The following PDIA6 variants were observed in gnomAD, a reference collection of about 807,000 sequenced individuals.
PDIA6 encodes the protein protein disulfide-isomerase A6.
A neutral mutation model predicts 58.4 loss-of-function variants in PDIA6; 29 were observed. That is an observed-to-expected ratio of 0.50 (90% CI 0.37 to 0.68). The LOEUF (loss-of-function observed/expected upper bound fraction) is 0.68. PDIA6 is among the 30% of genes least tolerant of loss of function. The pLI is 0.00. For synonymous variants in PDIA6, 192 were observed against 202.6 expected, an observed-to-expected ratio of 0.95 and a Z score of 0.44; for missense variants, 480 against 551.0, an observed-to-expected ratio of 0.87 and a Z score of 1.29.
At position 10,788,695 on chromosome 2, in the gene PDIA6, A is replaced by AC; in HGVS notation, c.998+1dup. ...ACTCAGACAGTAAGCTCAGTAACTT[A>AC]CCCCCACATTTTCTTTTTGTATTTG... On this transcript the variant is annotated splice_donor_variant, in intron 10 of 12. Coordinates refer to ENST00000272227, the MANE Select transcript of PDIA6 (RefSeq NM_005742.4). LOFTEE classifies it high-confidence loss of function. 3 of 1,602,176 alleles carry AC rather than the reference A, an allele frequency of 1.9e-6. No homozygotes were observed. Among genetic ancestry groups the AC allele is most frequent in the Non-Finnish European group, 2.6e-6 (3 of 1,169,142 alleles).
chr2:10,829,119 C>G (rs759095402), intron 1 of PDIA6, among the ~76,000 whole-genome samples: 4 of 152,204 alleles, frequency 2.6e-5, no homozygotes, highest in South Asian at 2.1e-4. Flanking sequence ...TCTGCTTACC[C>G]GGTGTTGTGA....
At chr2:10,826,241 T>C (rs1053349368) in intron 1 of PDIA6, among the ~76,000 whole-genome samples, 22 of 152,210 alleles carry the variant, frequency 1.4e-4, no homozygotes, top group African/African-American at 5.3e-4. Context: ...ATGATTACTT[T>C]CATATTCAAG....
chr2:10,800,846 A>G (rs1666481450), intron 2 of PDIA6, among the ~76,000 whole-genome samples: 1 of 152,160 alleles, frequency 6.6e-6, no homozygotes, highest in South Asian at 2.1e-4. Flanking sequence ...CTGGTGCTCA[A>G]GCAATTTACC....
At chr2:10,836,274 G>A (rs777424211), upstream of PDIA6, among the ~76,000 whole-genome samples, 16 of 152,196 alleles carry the variant, frequency 1.1e-4, no homozygotes, top group African/African-American at 2.7e-4. Flanking sequence ...CAGGTCCTAC[G>A]ATGGCCTGCT....
chr2:10,788,225 T>A (rs548567614), intron 10 of PDIA6, among the ~76,000 whole-genome samples: 2 of 152,344 alleles, frequency 1.3e-5, no homozygotes, highest in East Asian at 3.9e-4. Flanking sequence ...CTACTCCTTA[T>A]GTGTCTGCCT....
At chr2:10,786,446 A>C (rs955011831) in intron 11 of PDIA6, among the ~76,000 whole-genome samples, 2 of 152,058 alleles carry the variant, frequency 1.3e-5, no homozygotes, top group Non-Finnish European at 2.9e-5. Context: ...GGCTTCCTCC[A>C]TGCCTCCCAC....
intron 2 of PDIA6, among the ~76,000 whole-genome samples, chr2:10,818,188 G>T (rs541557646): frequency 6.6e-6 from 1 of 150,810 alleles, no homozygotes; most frequent in Middle Eastern, 3.4e-3. Flanking sequence ...TTTGAGACAG[G>T]GTCTCACTCT....
upstream of PDIA6, among the ~76,000 whole-genome samples, chr2:10,816,077 CTTTTTTTTTT>C (rs57404091): frequency 3.1e-5 from 3 of 96,470 alleles, no homozygotes; most frequent in Non-Finnish European, 5.6e-5. Flanking sequence ...AATCATTTGT[CTTTTTTTTTT>C]TTTTTTTTTT....
At chr2:10,825,677 A>T (rs549968835) in intron 1 of PDIA6, among the ~76,000 whole-genome samples, 28 of 152,346 alleles carry the variant, frequency 1.8e-4, no homozygotes, top group African/African-American at 6.5e-4. Flanking sequence ...ATCTGAGTAG[A>T]CATTTCTCCA....
At chr2:10,830,869 C>G (rs1038205375) in intron 1 of PDIA6, among the ~76,000 whole-genome samples, 1 of 152,176 alleles carries the variant, frequency 6.6e-6, no homozygotes, top group Admixed American at 6.5e-5. Context: ...AGGAGGCACA[C>G]GGGGCACTTC....
At chr2:10,802,071 C>T (rs1452687525) in intron 2 of PDIA6, among the ~76,000 whole-genome samples, 6 of 152,162 alleles carry the variant, frequency 3.9e-5, no homozygotes, top group Non-Finnish European at 8.8e-5. Flanking sequence ...GTACTTTTGA[C>T]TGTATATAAT....
chr2:10,832,429 A>C, exon 1 of PDIA6: 1 of 985,478 alleles, frequency 1.0e-6, no homozygotes, highest in Non-Finnish European at 1.2e-6. Flanking sequence ...GATTCTATTA[A>C]TTCCTGTTTG....
chr2:10,790,838 A>G lies in PDIA6; in HGVS notation c.585-5T>C, dbSNP rs1443479915. On this transcript the variant is annotated splice_region_variant and splice_polypyrimidine_tract_variant and intron_variant, in intron 6 of 12. Transcript: ENST00000272227. ...GCAGCCCACTCTGGCTCTAGGCTAT[A>G]GAAAAATATTCGTTTTGTTTTGTTT... 1 of 1,606,444 alleles carries G rather than the reference A, an allele frequency of 6.2e-7. No homozygotes were observed.
upstream of PDIA6, among the ~76,000 whole-genome samples, chr2:10,817,108 G>A (rs940369438): frequency 2.0e-5 from 3 of 152,170 alleles, no homozygotes; most frequent in African/African-American, 4.8e-5. Context: ...GCTCCAGCCC[G>A]CTAGGATCAC....
upstream of PDIA6, among the ~76,000 whole-genome samples, chr2:10,836,692 C>G (rs932456935): frequency 3.9e-5 from 6 of 152,090 alleles, no homozygotes; most frequent in African/African-American, 1.4e-4. Flanking sequence ...CAAAAAGAAA[C>G]CTGTGCCAAT....
intron 4 of PDIA6, among the ~76,000 whole-genome samples, chr2:10,796,220 AT>A (rs1294330976): frequency 1.3e-5 from 2 of 151,982 alleles, no homozygotes; most frequent in Admixed American, 6.6e-5. Flanking sequence ...TGCCCGGCTA[AT>A]TTTTTGTATT....
At chr2:10,810,746 A>G (rs965806092) in intron 1 of PDIA6, among the ~76,000 whole-genome samples, 5 of 152,324 alleles carry the variant, frequency 3.3e-5, no homozygotes, top group African/African-American at 4.8e-5. Flanking sequence ...TTCTGAATGC[A>G]TAAAAGTAGC....
rs547816238 is a variant in PDIA6, at chr2:10,792,189, TTA to T, written c.454-266_454-265del. Among the ~76,000 whole-genome samples, 138 of 152,344 alleles carry T rather than the reference TTA, an allele frequency of 9.1e-4. 1 individual carries two copies. Among genetic ancestry groups the T allele is most frequent in the Non-Finnish European group, 1.5e-3 (100 of 68,036 alleles). On this transcript the variant is annotated intron_variant, in intron 5 of 12. Transcript: ENST00000272227. Reference sequence around the variant, plus strand: ...ACCTGAATGCTGTCACCAGCTATTTTTAGAGAGAAACCTCAACATGGCTCAAA... The same window carrying T: ...ACCTGAATGCTGTCACCAGCTATTTTGAGAGAAACCTCAACATGGCTCAAA...
chr2:10,802,168 A>C (rs1666536965), intron 2 of PDIA6, among the ~76,000 whole-genome samples: 1 of 152,246 alleles, frequency 6.6e-6, no homozygotes, highest in Non-Finnish European at 1.5e-5. Flanking sequence ...AAGAATTTTT[A>C]AATTAAACCA....
Sources: gnomAD v4.1 joint callset for allele counts (sites outside exome capture counted in the v4.1 genomes callset) on GRCh38, gnomAD v4.1.1 for gene constraint, MANE v1.5 for transcripts, NCBI Gene and HGNC (gene_info 2026-07-23, HGNC 2026-07-21) for gene names.